The following PIP4P1 variants were observed in gnomAD, a reference collection of about 807,000 sequenced individuals.
The protein encoded by PIP4P1 is type 1 phosphatidylinositol 4,5-bisphosphate 4-phosphatase.
Under a neutral mutation model 32.3 loss-of-function variants are expected in PIP4P1, and 14 were observed. The observed-to-expected ratio is 0.43, with a 90% CI of 0.29 to 0.68. PIP4P1 has a LOEUF of 0.68. Ranked by LOEUF, PIP4P1 falls within the 30% of genes least tolerant of loss-of-function variation. The pLI is 0.15. For synonymous variants in PIP4P1, 132 were observed against 137.9 expected (o/e 0.96, Z 0.30); for missense variants, 289 against 364.5 (o/e 0.79, Z 1.69).
At chr14:20,460,128 A>T in intron 3 of PIP4P1, 64 bp downstream of exon 3, 1 of 1,216,564 alleles carries the variant, frequency 8.2e-7, no homozygotes. Flanking sequence ...TTCTCTGTAT[A>T]CGCTCATCCT....
chr14:20,459,842 T>A, intron 3 of PIP4P1, 109 bp from the exon 4 acceptor site: 2 of 778,028 alleles, frequency 2.6e-6, no homozygotes, highest in Non-Finnish European at 4.3e-6. Context: ...GTCTATTAAG[T>A]CACTCGACTT....
intron 6 of PIP4P1, 49 bp from the exon 7 acceptor site, chr14:20,458,751 G>C (rs1464314146): frequency 6.3e-7 from 1 of 1,582,086 alleles, no homozygotes; most frequent in Non-Finnish European, 8.6e-7. Context: ...GTTAATGTTG[G>C]TCTCCACTAC....
chr14:20,459,664 G>A lies in PIP4P1; in HGVS notation c.510C>T (p.Val170=), dbSNP rs1172363469. The A allele has an allele frequency of 6.2e-7, 1 of 1,613,878 alleles. No homozygotes were observed. ...PLSPEPQPMG[V]RVICGHCKNT... ...TCTTGCAATGTCCACAGATAACCCT[G>A]ACACCCATGGGTTGGGGTTCTGGAC... Residue 170 remains valine, a synonymous_variant, in exon 4 of 7, where the codon GTC becomes GTT. Transcript: ENST00000250489.
In PIP4P1 at chr14:20,461,338, C is replaced by A; in HGVS notation, c.-13G>T. Reference sequence around the variant, plus strand: ...CATCTGCCGCCATGGCCGCCACCGCCGCCTCCCGCTCAGGTCGGCGATCCG... The same window carrying A: ...CATCTGCCGCCATGGCCGCCACCGCAGCCTCCCGCTCAGGTCGGCGATCCG... On this transcript the variant is annotated 5_prime_UTR_variant, in exon 1 of 7. Transcript: ENST00000250489. 1 of 1,279,738 alleles carries A rather than the reference C, an allele frequency of 7.8e-7. No homozygotes were observed. Among genetic ancestry groups the A allele is most frequent in the Non-Finnish European group, 9.9e-7 (1 of 1,013,888 alleles). The allele number at this position is 1,279,738 out of a possible 1,614,324, so 79.3% of individuals were successfully genotyped here. A position where few individuals can be genotyped will look rare whatever the true frequency, so the allele number is the denominator to read the frequency against.
intron 1 of PIP4P1, 97 bp from the exon 2 acceptor site, chr14:20,460,942 A>G: frequency 7.3e-7 from 1 of 1,373,496 alleles, no homozygotes; most frequent in Non-Finnish European, 9.7e-7. Flanking sequence ...CCCTCTGACC[A>G]AGCTCGGAGG....
At chr14:20,460,129 C>T (rs536500657) in intron 3 of PIP4P1, 63 bp downstream of exon 3, 22 of 1,235,868 alleles carry the variant, frequency 1.8e-5, no homozygotes, top group South Asian at 7.2e-5. Context: ...TCTCTGTATA[C>T]GCTCATCCTT....
At chr14:20,459,367 G>A in intron 5 of PIP4P1, 21 bp downstream of exon 5, 1 of 1,614,186 alleles carries the variant, frequency 6.2e-7, no homozygotes, top group Non-Finnish European at 8.5e-7. Flanking sequence ...TCAATTACCA[G>A]CTCAATCCCT....
At chr14:20,460,321 G>T in intron 2 of PIP4P1, 23 bp from the exon 3 acceptor site, 1 of 1,563,014 alleles carries the variant, frequency 6.4e-7, no homozygotes, top group Non-Finnish European at 8.8e-7. Context: ...AGGGTCATCA[G>T]CAAGCAAACC....
chr14:20,458,759 T>A lies in PIP4P1; in HGVS notation c.691-57A>T, dbSNP rs1881576655. On this transcript the variant is annotated intron_variant, in intron 6 of 6. Transcript: ENST00000250489. ...AGATGGGGTTAATGTTGGTCTCCAC[T>A]ACCTCCTATTAGTTCTAAGAACAGT... The A allele has an allele frequency of 1.4e-5, 22 of 1,563,478 alleles. No homozygotes were observed. The South Asian group carries it at 2.7e-4, about 19-fold the overall frequency.
intron 3 of PIP4P1, 26 bp downstream of exon 3, chr14:20,460,166 G>A: frequency 6.4e-7 from 1 of 1,561,640 alleles, no homozygotes; most frequent in Admixed American, 1.7e-5. Flanking sequence ...CCCCACTTAG[G>A]CCCTTCCCCA....
intron 4 of PIP4P1, 79 bp downstream of exon 4, chr14:20,459,549 A>T: frequency 6.4e-7 from 1 of 1,571,492 alleles, no homozygotes; most frequent in Non-Finnish European, 8.8e-7. Context: ...TTCAGGGGTC[A>T]TTACCATTAC....
chr14:20,460,626 G>A (rs1881665261), intron 2 of PIP4P1, 29 bp downstream of exon 2: 1 of 1,607,162 alleles, frequency 6.2e-7, no homozygotes, highest in Non-Finnish European at 8.5e-7. Flanking sequence ...CAGGAAACAG[G>A]GCCCATTTCA....
chr14:20,460,159 C>T (rs1594419496), intron 3 of PIP4P1, 33 bp downstream of exon 3: 1 of 1,526,520 alleles, frequency 6.6e-7, no homozygotes, highest in East Asian at 2.3e-5. Context: ...TCCAGTTCCC[C>T]ACTTAGGCCC....
At chr14:20,460,168 C>A (rs1232783753) in intron 3 of PIP4P1, 24 bp downstream of exon 3, 2 of 1,577,712 alleles carry the variant, frequency 1.3e-6, no homozygotes, top group Non-Finnish European at 1.7e-6. Flanking sequence ...CCACTTAGGC[C>A]CTTCCCCACC....
Position 20,459,713 on chromosome 14 carries a change from C to G in PIP4P1, c.461G>C (p.Gly154Ala), listed in dbSNP as rs1881629469. 6.2e-7 allele frequency: 1 copy of G among 1,613,850 alleles called. No homozygotes were observed. The highest frequency in any genetic ancestry group is 8.5e-7 in the Non-Finnish European group (1 of 1,179,976). Residue 154 changes from glycine to alanine, a missense_variant, in exon 4 of 7, where the codon GGG becomes GCG. Around this residue, in one of 2 missense-constraint regions of PIP4P1, gnomAD observed 181 missense variants for 263.3 expected, o/e 0.69. Coordinates refer to ENST00000250489, the MANE Select transcript of PIP4P1 (RefSeq NM_144568.4). ...ACTCAGAGGTCCGGGATGCACAGGC[C>G]CCAGGTTGATGATTCTTTTGCTATA... ...RPYCKRIINL[G>A]PVHPGPLSPE...
chr14:20,458,586 G>A lies in PIP4P1; in HGVS notation c.807C>T (p.Val269=), dbSNP rs1330174618. ...AGGAGAAGTTCTGGACAGGGTGGCT[G>A]ACCTTCATACAGGCCCAATAAAGAG... ...GRALYWACMK[V]SHPVQNFS Residue 269 remains valine, a synonymous_variant, in exon 7 of 7, where the codon GTC becomes GTT. Transcript: ENST00000250489. 5 of 1,614,060 alleles carry A rather than the reference G, an allele frequency of 3.1e-6. No individual in the cohort carries two copies. Among genetic ancestry groups the A allele is most frequent in the South Asian group, 1.1e-5 (1 of 91,068 alleles).
rs757256595 is a variant in PIP4P1 at position 20,459,282 on chromosome 14, C to A, written c.614G>T (p.Arg205Leu). 1 of 1,614,082 alleles carries A rather than the reference C, an allele frequency of 6.2e-7. No individual in the cohort carries two copies. Among genetic ancestry groups the A allele is most frequent in the Non-Finnish European group, 8.5e-7 (1 of 1,180,044 alleles). ...GATACATCTCTTACGTGGGTATCTGCGCCCAATAGATGACCTGTGGGGAGG... is the reference window on the plus strand; with the variant it reads ...GATACATCTCTTACGTGGGTATCTGAGCCCAATAGATGACCTGTGGGGAGG... ...PHCRKVSSIG[R>L]RYPRKRCICC... The change falls in exon 6 of 7, where the codon CGC (arginine) becomes CTC (leucine). Residue 205 changes from arginine (R) to leucine (L), a missense_variant. Arg to Leu is a moderately radical substitution (Grantham distance 102, BLOSUM62 -2). This residue lies in a region of PIP4P1 where 181 missense variants were observed against 263.3 expected (regional missense o/e 0.69). Transcript: ENST00000250489.
intron 6 of PIP4P1, 76 bp downstream of exon 6, chr14:20,459,129 TA>T: frequency 6.8e-7 from 1 of 1,469,126 alleles, no homozygotes; most frequent in Non-Finnish European, 9.3e-7. Flanking sequence ...CACTTTTTTT[TA>T]GGGTAGCAGT....
chr14:20,461,402 C>A lies in PIP4P1; in HGVS notation c.-77G>T, dbSNP rs1402260205. ...CTGCCGTCGCCGCAGCCACCGCCAC[C>A]GCCGCCACCGCCACCGCCGCTACCG... On this transcript the variant is annotated 5_prime_UTR_variant, in exon 1 of 7. Coordinates refer to ENST00000250489, the MANE Select transcript of PIP4P1 (RefSeq NM_144568.4). The A allele has an allele frequency of 4.1e-6, 5 of 1,219,730 alleles. No individual in the cohort carries two copies. Among genetic ancestry groups the A allele is most frequent in the Admixed American group, 8.5e-5 (2 of 23,606 alleles). The allele number at this position is 1,219,730 out of a possible 1,614,324, so 75.6% of individuals were successfully genotyped here.
Sources: allele counts gnomAD v4.1 joint callset, GRCh38; gene constraint gnomAD v4.1.1; regional missense constraint gnomAD v4.1.1; transcripts MANE v1.5; gene names NCBI Gene and HGNC (gene_info 2026-07-23, HGNC 2026-07-21).